The following ABCA12 variants were observed in gnomAD, a reference collection of about 807,000 sequenced individuals.
ABCA12 encodes the protein glucosylceramide transporter ABCA12.
In ABCA12, 156 loss-of-function variants were observed where a neutral mutation model predicts 293.5. That is an observed-to-expected ratio of 0.53 (90% CI 0.47 to 0.61). The LOEUF (loss-of-function observed/expected upper bound fraction) is 0.61, where lower values mean the gene tolerates loss of function less well. ABCA12 is among the 20% of genes least tolerant of loss of function. ABCA12 has a pLI of 0.00. For synonymous variants in ABCA12, 1,063 were observed against 1,108.0 expected (o/e 0.96, Z 0.81); for missense variants, 2,797 against 3,090.2 (o/e 0.91, Z 2.25).
chr2:214,982,119 G>C (rs1191068255), intron 30 of ABCA12, 68 bp downstream of exon 30: 1 of 1,547,516 alleles, frequency 6.5e-7, no homozygotes, highest in African/African-American at 1.4e-5. Context: ...GCCTCAGTTT[G>C]CTTTTGTATA....
chr2:214,947,410 T>C lies in ABCA12; in HGVS notation c.7239+12A>G. 1 of 1,613,796 alleles carries C rather than the reference T, an allele frequency of 6.2e-7. No homozygotes were observed. The highest frequency in any genetic ancestry group is 8.5e-7 in the Non-Finnish European group (1 of 1,179,732). On this transcript the variant is annotated intron_variant, in intron 48 of 52. Coordinates refer to ENST00000272895, the MANE Select transcript of ABCA12 (RefSeq NM_173076.3). ...ATTATGGAGTGGCCTGTTTAAATAA[T>C]GATTCTCTTACCAGCAGTAGAATGG...
chr2:215,071,251 AAAAT>A (rs1701733204), intron 2 of ABCA12, among the ~76,000 whole-genome samples: 1 of 143,790 alleles, frequency 7.0e-6, no homozygotes, highest in Admixed American at 7.1e-5. Context: ...AAAATAAAAT[AAAAT>A]AAAAAATAAA....
intron 11 of ABCA12, chr2:215,022,568 T>G (rs1196852907): frequency 6.6e-6 from 1 of 152,228 alleles, no homozygotes; most frequent in African/African-American, 2.4e-5. Context: ...CAACTTCAGA[T>G]TGCAGATTTG....
intron 51 of ABCA12, among the ~76,000 whole-genome samples, chr2:214,934,420 T>A (rs560168445): frequency 1.3e-3 from 194 of 152,232 alleles, no homozygotes; most frequent in African/African-American, 4.5e-3. Flanking sequence ...AGAAAACAAA[T>A]TTAAAAGTTC....
At chr2:215,056,350 C>T (rs1367037293) in intron 3 of ABCA12, among the ~76,000 whole-genome samples, 1 of 152,070 alleles carries the variant, frequency 6.6e-6, no homozygotes, top group African/African-American at 2.4e-5. Context: ...AAGACAAACT[C>T]ATTCCCTTCT....
At chr2:215,063,918 A>G (rs780601148) in intron 3 of ABCA12, 148 bp downstream of exon 3, 31 of 962,654 alleles carry the variant, frequency 3.2e-5, no homozygotes, top group Non-Finnish European at 5.1e-5. Context: ...GTTTATACCT[A>G]CTTTGTTATT....
chr2:215,084,380 T>C (rs1246138882), intron 2 of ABCA12, among the ~76,000 whole-genome samples: 1 of 152,178 alleles, frequency 6.6e-6, no homozygotes, highest in African/African-American at 2.4e-5. Context: ...ACCCTTTATT[T>C]ATCAAGTGGC....
intron 22 of ABCA12, 124 bp from the exon 23 acceptor site, chr2:214,997,933 A>T: frequency 1.4e-6 from 1 of 690,404 alleles, no homozygotes; most frequent in South Asian, 1.7e-5. Context: ...TTGAAATTGA[A>T]AATAATCGGT....
At position 214,987,813 on chromosome 2, in the gene ABCA12, G is replaced by A; in HGVS notation, c.3830-20C>T. The A allele has an allele frequency of 6.2e-7, 1 of 1,611,572 alleles. No homozygotes were observed. Among genetic ancestry groups the A allele is most frequent in the Non-Finnish European group, 8.5e-7 (1 of 1,178,746 alleles). ...ATGTCCCTGGAATAAAAATATATCA[G>A]GAACAGTGAGTTTTAGTTGACTGTT... On this transcript the variant is annotated intron_variant, in intron 26 of 52. Transcript: ENST00000272895.
chr2:215,073,101 AAAAG>A (rs966253942), intron 2 of ABCA12, among the ~76,000 whole-genome samples: 1 of 152,180 alleles, frequency 6.6e-6, no homozygotes, highest in Non-Finnish European at 1.5e-5. Context: ...CCTCCAAAAA[AAAAG>A]AAAGAAAGAA....
Position 215,010,389 on chromosome 2 carries a change from A to G in ABCA12, c.2414T>C (p.Leu805Ser), listed in dbSNP as rs1231856655. Residue 805 changes from leucine to serine, a missense_variant, in exon 18 of 53, where the codon TTG becomes TCG. Physicochemically the swap from Leu to Ser is moderately radical, Grantham distance 145 (BLOSUM62 -2). Around this residue, in one of 3 missense-constraint regions of ABCA12, gnomAD observed 2,130 missense variants for 2,427.0 expected, o/e 0.88. Transcript: ENST00000272895. ...TGGTGCATACAAAATTCTTCCCAAC[A>G]ACATAGGTTTCAAGAAAGCCCAAAT... ...PVIWAFLKPM[L>S]LGRILYAPYN... 2.5e-6 allele frequency: 4 copies of G among 1,613,798 alleles called. No individual in the cohort carries two copies. The highest frequency in any genetic ancestry group is 1.6e-4 in the Middle Eastern group (1 of 6,082).
At chr2:214,973,821 AT>A (rs1699444424) in intron 36 of ABCA12, 127 bp downstream of exon 36, 1 of 809,514 alleles carries the variant, frequency 1.2e-6, no homozygotes, top group African/African-American at 1.7e-5. Context: ...CCAGATCCAT[AT>A]TTCTGAGCTA....
At chr2:215,091,375 T>C (rs1366253811) in intron 2 of ABCA12, among the ~76,000 whole-genome samples, 1 of 152,152 alleles carries the variant, frequency 6.6e-6, no homozygotes, top group Non-Finnish European at 1.5e-5. Flanking sequence ...ACCTGCCCAA[T>C]AATTTCCTCT....
At chr2:215,108,769 C>T (rs188111283) in intron 2 of ABCA12, among the ~76,000 whole-genome samples, 15 of 152,144 alleles carry the variant, frequency 9.9e-5, no homozygotes, top group Admixed American at 3.3e-4. Context: ...ATTCTTTCTA[C>T]GACAAAAGAG....
chr2:215,126,765 C>G (rs1702932729), intron 1 of ABCA12, among the ~76,000 whole-genome samples: 1 of 151,714 alleles, frequency 6.6e-6, no homozygotes, highest in Non-Finnish European at 1.5e-5. Context: ...TTTCATTTAT[C>G]TTTTGTAATT....
chr2:214,934,311 A>G, intron 51 of ABCA12, 96 bp from the exon 52 acceptor site: 1 of 1,348,038 alleles, frequency 7.4e-7, no homozygotes, highest in Non-Finnish European at 1.1e-6. Context: ...AAATAACTGA[A>G]GTTCATTCCA....
At chr2:215,126,978 T>C (rs962182944) in intron 1 of ABCA12, among the ~76,000 whole-genome samples, 19 of 152,148 alleles carry the variant, frequency 1.2e-4, no homozygotes, top group Admixed American at 3.9e-4. Context: ...CCCAGAGGTT[T>C]CCATAGGTTG....
chr2:215,064,773 TTTGA>T (rs1701609948), intron 2 of ABCA12, among the ~76,000 whole-genome samples: 1 of 151,164 alleles, frequency 6.6e-6, no homozygotes, highest in African/African-American at 2.4e-5. Context: ...ATCACCAAAA[TTTGA>T]TTGATGGCTT....
intron 28 of ABCA12, 115 bp from the exon 29 acceptor site, chr2:214,983,980 G>A: frequency 2.5e-6 from 2 of 797,426 alleles, no homozygotes; most frequent in Non-Finnish European, 4.0e-6. Context: ...CTCAGTCAAG[G>A]GCAAACTATG....
Sources: allele counts gnomAD v4.1 joint callset (sites outside exome capture counted in the v4.1 genomes callset), GRCh38; gene constraint gnomAD v4.1.1; regional missense constraint gnomAD v4.1.1; transcripts MANE v1.5; gene names NCBI Gene and HGNC (gene_info 2026-07-23, HGNC 2026-07-21).